HMCN2: variants seen among roughly 807,000 people sequenced by gnomAD.
HMCN2 encodes hemicentin 2, also known as hemicentin-2.
Under a neutral mutation model 377.5 loss-of-function variants are expected in HMCN2, and 325 were observed. The ratio of observed to expected loss-of-function variants is 0.86; its 90% CI spans 0.79 to 0.94. The LOEUF (loss-of-function observed/expected upper bound fraction) is 0.94. Among genes scored for constraint, HMCN2 ranks in the 40% least tolerant of loss-of-function variants. The pLI, the probability that HMCN2 is intolerant of heterozygous loss-of-function variation, is 0.00. For synonymous variants in HMCN2, 2,007 were observed against 2,046.8 expected, an observed-to-expected ratio of 0.98 and a Z score of 0.53; for missense variants, 4,543 against 4,725.3, an observed-to-expected ratio of 0.96 and a Z score of 1.13.
At position 130,385,735 on chromosome 9, in the gene HMCN2, G is replaced by A. The variant is rs1313240906; in HGVS notation, c.9282G>A (p.Gly3094=). 2 of 1,304,040 alleles carry A rather than the reference G, an allele frequency of 1.5e-6. No individual in the cohort carries two copies. The highest frequency in any genetic ancestry group is 1.2e-5 in the South Asian group (1 of 81,022). 80.8% of individuals were successfully genotyped at this position (1,304,040 alleles called of 1,614,324 possible). The change falls in exon 60 of 98, where the codon GGG becomes GGA. Residue 3094 remains glycine, a synonymous_variant. Transcript: ENST00000683500. The stretch of plus-strand genomic sequence containing the variant: ...AGCGGACCCAGGCTCTGCGGGGTGG[G>A]CAGAGGCTGGAGATCCAGGAAGCCC... ...LAQRTQALRG[G]QRLEIQEAQV...
chr9:130,348,689 TA>T lies in HMCN2; in HGVS notation c.4155+15del. 1 of 1,294,314 alleles carries T rather than the reference TA, an allele frequency of 7.7e-7. No homozygotes were observed. The highest frequency in any genetic ancestry group is 1.5e-5 in the African/African-American group (1 of 65,302). 80.2% of individuals were successfully genotyped at this position (1,294,314 alleles called of 1,614,324 possible). Reference sequence around the variant, plus strand: ...GACGCGCAGCTGGTGGGTGTCCCCCTAGGGTGGGCGGGGTATGGGTGGGATT... The same window carrying T: ...GACGCGCAGCTGGTGGGTGTCCCCCTGGGTGGGCGGGGTATGGGTGGGATT... On this transcript the variant is annotated intron_variant, in intron 27 of 97. Transcript: ENST00000683500.
intron 61 of HMCN2, 80 bp downstream of exon 61, chr9:130,386,604 T>C (rs543235393): frequency 3.2e-6 from 3 of 941,504 alleles, no homozygotes; most frequent in African/African-American, 3.4e-5. Flanking sequence ...ACAAAGACAA[T>C]AGCTGGGCAG....
chr9:130,330,968 A>AACACACACACACACACACAC (rs1173053980), intron 22 of HMCN2, among the ~76,000 whole-genome samples: 4 of 131,510 alleles, frequency 3.0e-5, no homozygotes, highest in Admixed American at 7.6e-5. Context: ...TCTCTACTGA[A>AACACACACACACACACACAC]ACACACACAC....
intron 8 of HMCN2, among the ~76,000 whole-genome samples, chr9:130,302,258 G>A (rs1477081393): frequency 1.3e-5 from 2 of 152,196 alleles, no homozygotes; most frequent in Non-Finnish European, 1.5e-5. Flanking sequence ...ATGTTGGCCA[G>A]GCTGGTCTTG....
At chr9:130,350,686 A>T (rs1004411673) in intron 29 of HMCN2, among the ~76,000 whole-genome samples, 2 of 151,744 alleles carry the variant, frequency 1.3e-5, no homozygotes, top group African/African-American at 2.4e-5. Context: ...GGAGATCGAG[A>T]CCATCCTGGC....
intron 97 of HMCN2, chr9:130,432,917 G>A: frequency 2.7e-6 from 1 of 366,314 alleles, no homozygotes; most frequent in Non-Finnish European, 5.0e-6. Context: ...GTTTCTCCCG[G>A]CGGGTGACCT....
intron 8 of HMCN2, among the ~76,000 whole-genome samples, chr9:130,302,204 C>G (rs533965799): frequency 6.6e-6 from 1 of 152,074 alleles, no homozygotes; most frequent in Admixed American, 6.5e-5. Flanking sequence ...CGCGACACCA[C>G]GCCCAGCTAA....
In HMCN2 at chr9:130,420,704, CTG is replaced by C. The variant is rs1360756636; in HGVS notation, c.13231+1671_13231+1672del. Among the ~76,000 whole-genome samples, 4 of 152,222 alleles carry C rather than the reference CTG, an allele frequency of 2.6e-5. No homozygotes were observed. In the East Asian group the frequency reaches 7.7e-4, roughly 29 times the overall value. On this transcript the variant is annotated intron_variant, in intron 86 of 97. Transcript: ENST00000683500. ...ACCCCCACCTCTGCCTTCATCTTCC[CTG>C]TGTGTGTCTACACTTCCCTATTTAT...
chr9:130,431,045 G>T (rs972204329), intron 95 of HMCN2: 6 of 485,622 alleles, frequency 1.2e-5, no homozygotes, highest in Non-Finnish European at 2.2e-5. Context: ...CCTGGACCCT[G>T]CAGAGAGGGA....
rs1418629743 is a variant in HMCN2 at position 130,349,064 on chromosome 9, G to T, written c.4236G>T (p.Gly1412=). Residue 1412 remains glycine, a synonymous_variant, in exon 28 of 98, where the codon GGG becomes GGT. Coordinates refer to ENST00000683500, the MANE Select transcript of HMCN2 (RefSeq NM_001291815.2). ...CCAGGATCCAGGAGGGTGATTCTGG[G>T]CTCTACTCCTGCCGGGCAGAGAACC... ...HFPRIQEGDS[G]LYSCRAENQA... The T allele has an allele frequency of 7.7e-7, 1 of 1,304,210 alleles. No individual in the cohort carries two copies. Among genetic ancestry groups the T allele is most frequent in the Non-Finnish European group, 1.0e-6 (1 of 988,938 alleles). 80.8% of individuals were successfully genotyped at this position (1,304,210 alleles called of 1,614,324 possible).
At chr9:130,294,312 A>T (rs1554931128) in intron 4 of HMCN2, among the ~76,000 whole-genome samples, 1 of 152,202 alleles carries the variant, frequency 6.6e-6, no homozygotes, top group African/African-American at 2.4e-5. Context: ...ATAGAAACCA[A>T]GGATTTAGGT....
chr9:130,367,508 C>T (rs536520825), intron 43 of HMCN2, among the ~76,000 whole-genome samples: 1 of 152,146 alleles, frequency 6.6e-6, no homozygotes, highest in African/African-American at 2.4e-5. Context: ...AAATCCTCTT[C>T]CTCCAAGGGG....
At chr9:130,364,449 T>A (rs887185803) in intron 40 of HMCN2, among the ~76,000 whole-genome samples, 2 of 152,248 alleles carry the variant, frequency 1.3e-5, no homozygotes, top group Non-Finnish European at 2.9e-5. Context: ...TAATTATAGA[T>A]TCACAGACAT....
At chr9:130,311,705 G>A (rs1837248434) in intron 15 of HMCN2, among the ~76,000 whole-genome samples, 1 of 152,194 alleles carries the variant, frequency 6.6e-6, no homozygotes, top group African/African-American at 2.4e-5. Context: ...TCCAGACAAA[G>A]GGAATAGCAC....
Position 130,371,656 on chromosome 9 carries a change from C to T in HMCN2, c.7237+525C>T, listed in dbSNP as rs59175049. Reference sequence around the variant, plus strand: ...CCTCAGTCACCCATTGGTTGTTCCACGCAGCCCATGATGAGATGGCAAATA... The same window carrying T: ...CCTCAGTCACCCATTGGTTGTTCCATGCAGCCCATGATGAGATGGCAAATA... On this transcript the variant is annotated intron_variant, in intron 46 of 97. Coordinates refer to ENST00000683500, the MANE Select transcript of HMCN2 (RefSeq NM_001291815.2). Among the ~76,000 whole-genome samples, 548 of 152,372 alleles carry T rather than the reference C, an allele frequency of 3.6e-3. 5 individuals carry two copies. The highest frequency in any genetic ancestry group is 0.012 in the African/African-American group (517 of 41,590).
Position 130,391,307 on chromosome 9 carries a change from C to T in HMCN2, c.9771C>T (p.Asp3257=), listed in dbSNP as rs1842309335. The change falls in exon 64 of 98, where the codon GAC becomes GAT. Residue 3257 remains aspartate (D), a synonymous_variant. Coordinates refer to ENST00000683500, the MANE Select transcript of HMCN2 (RefSeq NM_001291815.2). ...DCEADGQPPP[D]VAWLKDGSPL... ...AGGCCGATGGGCAGCCGCCGCCGGACGTGGCCTGGCTGAAGGACGGCAGCC... is the reference window on the plus strand; with the variant it reads ...AGGCCGATGGGCAGCCGCCGCCGGATGTGGCCTGGCTGAAGGACGGCAGCC... The T allele has an allele frequency of 3.0e-6, 3 of 987,580 alleles. No homozygotes were observed. Among genetic ancestry groups the T allele is most frequent in the African/African-American group, 3.5e-5 (2 of 57,322 alleles). 61.2% of individuals were successfully genotyped at this position (987,580 alleles called of 1,614,324 possible).
rs1379970295 is a variant in HMCN2, at chr9:130,320,807, C to T, written c.2679C>T (p.Thr893=). 12 of 152,378 alleles carry T rather than the reference C, an allele frequency of 7.9e-5. No individual in the cohort carries two copies. The highest frequency in any genetic ancestry group is 2.7e-4 in the African/African-American group (11 of 41,460). 9.4% of individuals were successfully genotyped at this position (152,378 alleles called of 1,614,324 possible). A position where few individuals can be genotyped will look rare whatever the true frequency, so the allele number is the denominator to read the frequency against. ...APPQIASSAP[T]VRVLEGQPVS... ...CACAGATCGCCAGCAGCGCCCCCAC[C>T]GTCCGGGTCCTGGAGGGGCAGCCCG... Residue 893 remains threonine, a synonymous_variant, in exon 18 of 98, where the codon ACC becomes ACT. Transcript: ENST00000683500.
chr9:130,273,059 C>T (rs1390816881), intron 1 of HMCN2, among the ~76,000 whole-genome samples: 1 of 151,982 alleles, frequency 6.6e-6, no homozygotes, highest in African/African-American at 2.4e-5. Flanking sequence ...AGACATGCCT[C>T]TTGTTCTGTT....
chr9:130,357,058 GAGGATGGATGGATGGATGGA>G (rs1564811593), intron 34 of HMCN2, among the ~76,000 whole-genome samples: 2 of 134,174 alleles, frequency 1.5e-5, no homozygotes, highest in Non-Finnish European at 3.4e-5. Flanking sequence ...AGATAGAAGG[GAGGATGGATGGATGGATGGA>G]TGGATGGATG....
Sources: gnomAD v4.1 joint callset for allele counts (sites outside exome capture counted in the v4.1 genomes callset) on GRCh38, gnomAD v4.1.1 for gene constraint, MANE v1.5 for transcripts, NCBI Gene and HGNC (gene_info 2026-07-23, HGNC 2026-07-21) for gene names.